The following PAK5 variants were observed in gnomAD, a reference collection of about 807,000 sequenced individuals.
PAK5 encodes serine/threonine-protein kinase PAK 5.
PAK5 carries 16 observed loss-of-function variants against 65.9 expected under a neutral mutation model. The observed-to-expected ratio is 0.24, with a 90% CI of 0.16 to 0.37. PAK5 has a LOEUF of 0.37. Among genes scored for constraint, PAK5 ranks in the 10% least tolerant of loss-of-function variants. The probability of loss-of-function intolerance (pLI) is 1.00; values close to 1 mark genes in which losing one functional copy is unlikely to be tolerated. For synonymous variants in PAK5, 371 were observed against 354.9 expected, an observed-to-expected ratio of 1.05 and a Z score of -0.51; for missense variants, 785 against 903.9, an observed-to-expected ratio of 0.87 and a Z score of 1.69.
At chr20:9,621,244 G>A (rs1474255805) in intron 3 of PAK5, among the ~76,000 whole-genome samples, 3 of 151,908 alleles carry the variant, frequency 2.0e-5, no homozygotes, top group African/African-American at 7.2e-5. Flanking sequence ...GAAAGTCATA[G>A]GGGAAAAAGA....
At chr20:9,813,771 C>T (rs1353872568) in intron 1 of PAK5, among the ~76,000 whole-genome samples, 6 of 152,070 alleles carry the variant, frequency 3.9e-5, no homozygotes, top group Non-Finnish European at 7.4e-5. Context: ...TAATCGATGC[C>T]GACAAAGCTG....
At chr20:9,786,223 C>A (rs1259104598) in intron 1 of PAK5, among the ~76,000 whole-genome samples, 1 of 152,008 alleles carries the variant, frequency 6.6e-6, no homozygotes, top group African/African-American at 2.4e-5. Flanking sequence ...TTCCCATGCC[C>A]AGCTGGAAGG....
At chr20:9,701,335 A>C (rs539424242) in intron 2 of PAK5, among the ~76,000 whole-genome samples, 1 of 152,314 alleles carries the variant, frequency 6.6e-6, no homozygotes, top group Middle Eastern at 3.4e-3. Context: ...AGCTCAGTAC[A>C]TGTTGAATGT....
At chr20:9,689,878 G>C (rs1037161572) in intron 2 of PAK5, among the ~76,000 whole-genome samples, 2 of 152,096 alleles carry the variant, frequency 1.3e-5, no homozygotes, top group Admixed American at 6.5e-5. Flanking sequence ...CTGGGCTTCT[G>C]GGTCATTCTG....
At chr20:9,787,912 G>A (rs1179077522) in intron 1 of PAK5, among the ~76,000 whole-genome samples, 1 of 151,684 alleles carries the variant, frequency 6.6e-6, no homozygotes, top group South Asian at 2.1e-4. Flanking sequence ...TTATTTAATT[G>A]TATGTTTACA....
intron 1 of PAK5, among the ~76,000 whole-genome samples, chr20:9,819,778 C>T (rs11696901): frequency 8.5e-5 from 13 of 152,076 alleles, no homozygotes; most frequent in Non-Finnish European, 1.6e-4. Context: ...GACAAGGAAC[C>T]GGTACTGGCA....
chr20:9,790,001 A>G (rs1450107347), intron 1 of PAK5, among the ~76,000 whole-genome samples: 1 of 152,136 alleles, frequency 6.6e-6, no homozygotes, highest in Admixed American at 6.6e-5. Context: ...CAAATGCTTG[A>G]AGACATTGAG....
chr20:9,771,021 A>G (rs543791442), intron 1 of PAK5, among the ~76,000 whole-genome samples: 18 of 152,316 alleles, frequency 1.2e-4, no homozygotes, highest in African/African-American at 4.3e-4. Context: ...GAACATGAAT[A>G]TAAGAAAGCA....
chr20:9,708,883 C>A (rs187487096), intron 2 of PAK5, among the ~76,000 whole-genome samples: 168 of 151,938 alleles, frequency 1.1e-3, no homozygotes, highest in East Asian at 3.3e-3. Context: ...TGTGATTGTA[C>A]CCCTCTTGAT....
intron 2 of PAK5, among the ~76,000 whole-genome samples, chr20:9,676,915 C>T (rs6108327): frequency 6.6e-6 from 1 of 152,018 alleles, no homozygotes; most frequent in Non-Finnish European, 1.5e-5. Context: ...TTAGAGAATA[C>T]TGAGTCCAAA....
chr20:9,728,107 A>G (rs931476822), intron 1 of PAK5, among the ~76,000 whole-genome samples: 4 of 152,116 alleles, frequency 2.6e-5, no homozygotes, highest in African/African-American at 9.7e-5. Flanking sequence ...TGATTAGGCA[A>G]TGAGGGCCCT....
At chr20:9,583,524 A>G (rs2046016349) in intron 3 of PAK5, among the ~76,000 whole-genome samples, 1 of 152,062 alleles carries the variant, frequency 6.6e-6, no homozygotes, top group African/African-American at 2.4e-5. Context: ...TTTTTCCTGC[A>G]CCCCCTTCAA....
At chr20:9,727,598 TATTA>T (rs2048290821) in intron 1 of PAK5, among the ~76,000 whole-genome samples, 1 of 152,158 alleles carries the variant, frequency 6.6e-6, no homozygotes, top group African/African-American at 2.4e-5. Flanking sequence ...CTTCTATGTT[TATTA>T]ATTAGAATTC....
At chr20:9,814,353 A>G (rs1342939117) in intron 1 of PAK5, among the ~76,000 whole-genome samples, 1 of 152,190 alleles carries the variant, frequency 6.6e-6, no homozygotes, top group Non-Finnish European at 1.5e-5. Context: ...ATGAAAATAA[A>G]TCATATAATG....
At chr20:9,807,853 G>C (rs1600396206) in intron 1 of PAK5, among the ~76,000 whole-genome samples, 1 of 151,754 alleles carries the variant, frequency 6.6e-6, no homozygotes, top group Non-Finnish European at 1.5e-5. Context: ...GAAACTCAGG[G>C]GAGGACCTAG....
intron 1 of PAK5, among the ~76,000 whole-genome samples, chr20:9,801,421 T>C (rs904848306): frequency 1.3e-5 from 2 of 151,578 alleles, no homozygotes; most frequent in Non-Finnish European, 2.9e-5. Flanking sequence ...GAAGTTTGTC[T>C]AGAAATTTGC....
At chr20:9,834,273 G>T (rs1015058868) in intron 1 of PAK5, among the ~76,000 whole-genome samples, 2 of 152,070 alleles carry the variant, frequency 1.3e-5, no homozygotes, top group Non-Finnish European at 2.9e-5. Context: ...TTCCTCTGTT[G>T]AACTACATTC....
At chr20:9,730,254 A>T (rs1320975356) in intron 1 of PAK5, among the ~76,000 whole-genome samples, 3 of 152,028 alleles carry the variant, frequency 2.0e-5, no homozygotes, top group African/African-American at 7.2e-5. Context: ...AGAGCTATTA[A>T]CATTTTATAT....
At chr20:9,821,041 T>A (rs1254673845) in intron 1 of PAK5, among the ~76,000 whole-genome samples, 1 of 152,144 alleles carries the variant, frequency 6.6e-6, no homozygotes, top group Non-Finnish European at 1.5e-5. Flanking sequence ...TGGGAAACTC[T>A]AGAACCCATG....
Sources: allele counts gnomAD v4.1 joint callset (sites outside exome capture counted in the v4.1 genomes callset), GRCh38; gene constraint gnomAD v4.1.1; transcripts MANE v1.5; gene names NCBI Gene and HGNC (gene_info 2026-07-23, HGNC 2026-07-21).